ELF2: variants seen among roughly 807,000 people sequenced by gnomAD.
ELF2 encodes E74 like ETS transcription factor 2.
In ELF2, 11 loss-of-function variants were observed where a neutral mutation model predicts 54.8. That is an observed-to-expected ratio of 0.20 (90% CI 0.13 to 0.33). The LOEUF (loss-of-function observed/expected upper bound fraction) is 0.33, where lower values mean the gene tolerates loss of function less well. Among genes scored for constraint, ELF2 ranks in the 10% least tolerant of loss-of-function variants. The pLI is 1.00. For synonymous variants in ELF2, 203 were observed against 245.1 expected (o/e 0.83, Z 1.61); for missense variants, 513 against 703.0 (o/e 0.73, Z 3.06).
chr4:139,078,557 G>GA, intron 4 of ELF2, among the ~76,000 whole-genome samples: 1 of 147,944 alleles, frequency 6.8e-6, no homozygotes, highest in East Asian at 2.0e-4. Context: ...GTATAAAAAG[G>GA]AAAAAGAATG....
chr4:139,164,168 G>A (rs910592075), intron 1 of ELF2, among the ~76,000 whole-genome samples: 19 of 140,904 alleles, frequency 1.3e-4, no homozygotes, highest in African/African-American at 5.0e-4. Context: ...AGAAGGAAAA[G>A]AAAGAAAGAA....
chr4:139,172,485 T>A (rs571467909), intron 1 of ELF2, among the ~76,000 whole-genome samples: 1 of 152,298 alleles, frequency 6.6e-6, no homozygotes, highest in Non-Finnish European at 1.5e-5. Context: ...TTAGTGGCCA[T>A]CTCAGCTATC....
At chr4:139,081,782 C>G (rs1414659952) in intron 4 of ELF2, among the ~76,000 whole-genome samples, 1 of 152,132 alleles carries the variant, frequency 6.6e-6, no homozygotes, top group Non-Finnish European at 1.5e-5. Context: ...CTGAATAAAC[C>G]TTGGGTAAAA....
Position 139,081,263 on chromosome 4 carries a change from T to C in ELF2, c.239-7696A>G, listed in dbSNP as rs547070040. The stretch of plus-strand genomic sequence containing the variant: ...TAAGCTTATTTATTTCATCCTTTAC[T>C]CAAACTCCTCTGGCAGCATAAATGT... On this transcript the variant is annotated intron_variant, in intron 4 of 9. Transcript: ENST00000686138. Among the ~76,000 whole-genome samples, 8 of 152,262 alleles carry C rather than the reference T, an allele frequency of 5.3e-5. No homozygotes were observed. In the East Asian group the frequency reaches 1.5e-3, roughly 29 times the overall value.
chr4:139,126,789 T>C (rs1399101147), intron 3 of ELF2, among the ~76,000 whole-genome samples: 2 of 152,218 alleles, frequency 1.3e-5, no homozygotes, highest in East Asian at 3.8e-4. Flanking sequence ...TTACCTTTCA[T>C]GTTTCCTTTC....
chr4:139,113,161 C>G (rs1482339016), intron 4 of ELF2, among the ~76,000 whole-genome samples: 1 of 151,802 alleles, frequency 6.6e-6, no homozygotes, highest in Non-Finnish European at 1.5e-5. Flanking sequence ...AGTATGAGAC[C>G]AGCCTGGGCA....
intron 4 of ELF2, among the ~76,000 whole-genome samples, chr4:139,074,727 T>G (rs943580150): frequency 1.4e-5 from 2 of 146,070 alleles, no homozygotes; most frequent in African/African-American, 2.6e-5. Context: ...ACCATTGCAC[T>G]CCAGCCTGGG....
chr4:139,131,678 C>T (rs1737501630), intron 3 of ELF2, among the ~76,000 whole-genome samples: 1 of 152,030 alleles, frequency 6.6e-6, no homozygotes. Context: ...TCTCCCCTAC[C>T]TCTCATGGTT....
chr4:139,155,355 G>C (rs1740419551), intron 1 of ELF2: 1 of 152,170 alleles, frequency 6.6e-6, no homozygotes, highest in Admixed American at 6.5e-5. Flanking sequence ...AACTGAGCAG[G>C]TCAAAACTCT....
At chr4:139,084,435 CAGG>C (rs1731701545) in intron 4 of ELF2, 15 of 1,176,484 alleles carry the variant, frequency 1.3e-5, no homozygotes, top group Admixed American at 4.9e-5. Flanking sequence ...GCGGCAGGGG[CAGG>C]GGCGGCGGCG....
intron 4 of ELF2, among the ~76,000 whole-genome samples, chr4:139,088,684 T>A (rs1194787454): frequency 2.0e-5 from 3 of 152,174 alleles, no homozygotes; most frequent in African/African-American, 7.2e-5. Context: ...TCTCTCTCCA[T>A]TCTCCACTCT....
intron 1 of ELF2, among the ~76,000 whole-genome samples, chr4:139,171,295 G>A (rs1014357251): frequency 1.3e-5 from 2 of 151,984 alleles, no homozygotes; most frequent in Middle Eastern, 3.2e-3. Context: ...CAACTACTCA[G>A]GAGGCTGAGG....
intron 5 of ELF2, chr4:139,072,299 T>A (rs976440100): frequency 2.9e-6 from 1 of 342,330 alleles, no homozygotes; most frequent in Non-Finnish European, 5.3e-6. Flanking sequence ...CTCCACTCTT[T>A]CACACTTATA....
intron 3 of ELF2, among the ~76,000 whole-genome samples, chr4:139,133,660 G>T (rs1205287520): frequency 6.6e-6 from 1 of 150,436 alleles, no homozygotes; most frequent in Non-Finnish European, 1.5e-5. Flanking sequence ...TTAAGATACG[G>T]GGTTCACTAT....
chr4:139,097,601 A>T (rs945177775), intron 4 of ELF2, among the ~76,000 whole-genome samples: 7 of 150,000 alleles, frequency 4.7e-5, no homozygotes, highest in Admixed American at 3.3e-4. Context: ...TGGGTGACGG[A>T]GCAAGACTCT....
chr4:139,115,140 C>G, intron 4 of ELF2: 1 of 1,613,516 alleles, frequency 6.2e-7, no homozygotes, highest in Non-Finnish European at 8.5e-7. Context: ...GGCGCGTGAG[C>G]TGCTCCAGGA....
At position 139,083,106 on chromosome 4, in the gene ELF2, G is replaced by C. The variant is rs574382377; in HGVS notation, c.239-9539C>G. Among the ~76,000 whole-genome samples the C allele has an allele frequency of 4.6e-5, 7 of 152,022 alleles. No homozygotes were observed. The East Asian group carries it at 1.4e-3, about 30-fold the overall frequency. On this transcript the variant is annotated intron_variant, in intron 4 of 9. Transcript: ENST00000686138. ...GTTCTAATTTGGAACACCTCAGAGA[G>C]CAGATTGGAACCAGAGGCCTGTCAA...
chr4:139,101,805 A>G (rs2148787547), intron 4 of ELF2: 1 of 152,322 alleles, frequency 6.6e-6, no homozygotes, highest in South Asian at 2.1e-4. Context: ...CAAAATAATC[A>G]GTGCTTCTTG....
chr4:139,158,706 G>A (rs1304193723), intron 1 of ELF2, among the ~76,000 whole-genome samples: 4 of 152,006 alleles, frequency 2.6e-5, no homozygotes, highest in African/African-American at 9.7e-5. Flanking sequence ...ATAAGAGAAG[G>A]AAAAAAGCAG....
Sources: allele counts gnomAD v4.1 joint callset (sites outside exome capture counted in the v4.1 genomes callset), GRCh38; gene constraint gnomAD v4.1.1; transcripts MANE v1.5; gene names NCBI Gene and HGNC (gene_info 2026-07-23, HGNC 2026-07-21).